The following SLC25A21 variants were observed in gnomAD, a reference collection of about 807,000 sequenced individuals.
SLC25A21 encodes solute carrier family 25 member 21.
A neutral mutation model predicts 43.8 loss-of-function variants in SLC25A21; 47 were observed. That is an observed-to-expected ratio of 1.07 (90% CI 0.85 to 1.37). SLC25A21 has a LOEUF of 1.37. SLC25A21 is among the 40% of genes most tolerant of loss of function. SLC25A21 has a pLI of 0.00. For synonymous variants in SLC25A21, 131 were observed against 121.3 expected (o/e 1.08, Z -0.52); for missense variants, 352 against 350.2 (o/e 1.00, Z -0.04).
chr14:36,793,293 TG>T (rs1192181647), intron 3 of SLC25A21, among the ~76,000 whole-genome samples: 1 of 152,100 alleles, frequency 6.6e-6, no homozygotes, highest in Admixed American at 6.6e-5. Context: ...AATGGGATGT[TG>T]GGGGAATGAA....
At position 36,813,898 on chromosome 14, in the gene SLC25A21, T is replaced by A. The variant is rs946556838; in HGVS notation, c.203+20A>T. The stretch of plus-strand genomic sequence containing the variant: ...TTAAGTAGAAACATATTAAAATGGC[T>A]ATATGAAGAATATACATACCCTTCC... On this transcript the variant is annotated intron_variant, in intron 3 of 9. Transcript: ENST00000331299. The A allele has an allele frequency of 4.8e-6, 7 of 1,469,298 alleles. No homozygotes were observed. Among genetic ancestry groups the A allele is most frequent in the Non-Finnish European group, 5.6e-6 (6 of 1,063,178 alleles). 91.0% of individuals were successfully genotyped at this position (1,469,298 alleles called of 1,614,324 possible).
chr14:36,750,778 T>C (rs962482510), intron 3 of SLC25A21, among the ~76,000 whole-genome samples: 3 of 152,228 alleles, frequency 2.0e-5, no homozygotes, highest in African/African-American at 7.2e-5. Context: ...GATGACTATC[T>C]GTTAGGAAGC....
At chr14:37,021,707 A>G (rs1960989066) in intron 1 of SLC25A21, among the ~76,000 whole-genome samples, 1 of 151,932 alleles carries the variant, frequency 6.6e-6, no homozygotes, top group African/African-American at 2.4e-5. Flanking sequence ...GGGAGGAAGG[A>G]GAGTTTGGTA....
At chr14:36,764,034 GAA>G (rs200383503) in intron 3 of SLC25A21, among the ~76,000 whole-genome samples, 1,121 of 45,004 alleles carry the variant, frequency 0.025, 73 homozygotes, top group East Asian at 0.045. Context: ...GTGAAAGAAA[GAA>G]AAAGAAAGAA....
chr14:36,764,168 GAAAGAAAGAAAGAAAGAAAGAAAGAGA>G, intron 3 of SLC25A21, among the ~76,000 whole-genome samples: 2 of 72,014 alleles, frequency 2.8e-5, no homozygotes, highest in East Asian at 1.4e-3. Flanking sequence ...AAGAAAGAAA[GAAAGAAAGAAAGAAAGAAAGAAAGAGA>G]AAGAAAGAAA....
At chr14:37,060,990 G>A (rs1047762076) in intron 1 of SLC25A21, among the ~76,000 whole-genome samples, 26 of 152,234 alleles carry the variant, frequency 1.7e-4, no homozygotes, top group Admixed American at 1.6e-3. Context: ...GGTAGTGGGT[G>A]GCTGTCCCAG....
rs114879867 is a variant in SLC25A21 at position 36,693,672 on chromosome 14, C to T, written c.604-8747G>A. 5.4e-3 allele frequency among the ~76,000 whole-genome samples: 818 copies of T among 151,986 alleles called. 3 individuals carry two copies. The highest frequency in any genetic ancestry group is 0.019 in the African/African-American group (800 of 41,434). ...TTTTTAAGACAGGCTCTTGTTTTGTCGCCCAGCCTGGAGTGCAGTGGTGCA... is the reference window on the plus strand; with the variant it reads ...TTTTTAAGACAGGCTCTTGTTTTGTTGCCCAGCCTGGAGTGCAGTGGTGCA... On this transcript the variant is annotated intron_variant, in intron 7 of 9. Coordinates refer to ENST00000331299, the MANE Select transcript of SLC25A21 (RefSeq NM_030631.4).
At chr14:37,112,169 T>A (rs933363699) in intron 1 of SLC25A21, among the ~76,000 whole-genome samples, 2 of 152,094 alleles carry the variant, frequency 1.3e-5, no homozygotes, top group Non-Finnish European at 2.9e-5. Flanking sequence ...CTAGAAAGGA[T>A]TAAAGGTGAT....
chr14:37,020,303 A>G (rs1960956785), intron 1 of SLC25A21, among the ~76,000 whole-genome samples: 1 of 151,998 alleles, frequency 6.6e-6, no homozygotes, highest in Non-Finnish European at 1.5e-5. Context: ...CAAACAAACT[A>G]TAACATTTCA....
At chr14:37,044,977 T>C (rs147786574) in intron 1 of SLC25A21, among the ~76,000 whole-genome samples, 1 of 152,224 alleles carries the variant, frequency 6.6e-6, no homozygotes, top group Admixed American at 6.5e-5. Context: ...TCAATATACA[T>C]ATAAATGTAA....
At chr14:37,001,550 T>C (rs1436647355) in intron 1 of SLC25A21, among the ~76,000 whole-genome samples, 1 of 152,158 alleles carries the variant, frequency 6.6e-6, no homozygotes, top group Admixed American at 6.5e-5. Context: ...TTATGATAAT[T>C]CCCAGAAATG....
chr14:36,900,061 G>A (rs570824594), intron 1 of SLC25A21, among the ~76,000 whole-genome samples: 5 of 151,944 alleles, frequency 3.3e-5, no homozygotes, highest in South Asian at 4.2e-4. Flanking sequence ...ATGAACTGAC[G>A]GAAATGGCAG....
At position 36,678,584 on chromosome 14, in the gene SLC25A21, C is replaced by T. The variant is rs1882022384; in HGVS notation, c.*2074G>A. On this transcript the variant is annotated 3_prime_UTR_variant, in exon 10 of 10. Transcript: ENST00000331299. Reference sequence around the variant, plus strand: ...CCATACCATACAGGGACTCTCCTGTCATCTGAAAAACTGATGTAAGGTACA... The same window carrying T: ...CCATACCATACAGGGACTCTCCTGTTATCTGAAAAACTGATGTAAGGTACA... 1 of 1,514,666 alleles carries T rather than the reference C, an allele frequency of 6.6e-7. No homozygotes were observed. The highest frequency in any genetic ancestry group is 8.8e-7 in the Non-Finnish European group (1 of 1,136,394). The allele number at this position is 1,514,666 out of a possible 1,614,324, so 93.8% of individuals were successfully genotyped here. A position where few individuals can be genotyped will look rare whatever the true frequency, so the allele number is the denominator to read the frequency against.
At chr14:36,908,492 G>T (rs1373061706) in intron 1 of SLC25A21, among the ~76,000 whole-genome samples, 2 of 152,192 alleles carry the variant, frequency 1.3e-5, no homozygotes, top group Admixed American at 6.5e-5. Flanking sequence ...CCCAAGAAAT[G>T]AGAGTATTTT....
At chr14:36,702,049 T>C (rs909894089) in intron 7 of SLC25A21, among the ~76,000 whole-genome samples, 14 of 152,340 alleles carry the variant, frequency 9.2e-5, no homozygotes, top group African/African-American at 2.6e-4. Flanking sequence ...GTTCCACTTA[T>C]GTAATATGTC....
At chr14:36,747,116 T>C (rs1211492573) in intron 3 of SLC25A21, among the ~76,000 whole-genome samples, 4 of 152,222 alleles carry the variant, frequency 2.6e-5, no homozygotes, top group African/African-American at 7.2e-5. Flanking sequence ...ATGACTTGCA[T>C]ATTTTTCACT....
chr14:36,805,032 A>G (rs1887990208), intron 3 of SLC25A21, among the ~76,000 whole-genome samples: 1 of 152,106 alleles, frequency 6.6e-6, no homozygotes, highest in Non-Finnish European at 1.5e-5. Flanking sequence ...CTCCACCTTG[A>G]TTAACACTCC....
At chr14:36,831,286 C>T (rs1484269984) in intron 2 of SLC25A21, among the ~76,000 whole-genome samples, 1 of 152,170 alleles carries the variant, frequency 6.6e-6, no homozygotes, top group Non-Finnish European at 1.5e-5. Flanking sequence ...TTCCACTAAA[C>T]ATAACTTCAT....
chr14:36,704,885 C>A (rs899513476), intron 7 of SLC25A21, among the ~76,000 whole-genome samples: 2 of 152,010 alleles, frequency 1.3e-5, no homozygotes, highest in Non-Finnish European at 2.9e-5. Context: ...AAGGATCAGG[C>A]AAAATCATGG....
Sources: gnomAD v4.1 joint callset for allele counts (sites outside exome capture counted in the v4.1 genomes callset) on GRCh38, gnomAD v4.1.1 for gene constraint, MANE v1.5 for transcripts, NCBI Gene and HGNC (gene_info 2026-07-23, HGNC 2026-07-21) for gene names.